The following OPCML variants were observed in gnomAD, a reference collection of about 807,000 sequenced individuals.
OPCML encodes the protein opioid-binding protein/cell adhesion molecule.
In OPCML, 13 loss-of-function variants were observed where a neutral mutation model predicts 37.8. The observed-to-expected ratio is 0.34, with a 90% CI of 0.22 to 0.55. The LOEUF (loss-of-function observed/expected upper bound fraction) is 0.55. OPCML is among the 20% of genes least tolerant of loss of function. OPCML has a pLI of 0.91. For synonymous variants in OPCML, 176 were observed against 168.8 expected (o/e 1.04, Z -0.33); for missense variants, 341 against 435.6 (o/e 0.78, Z 1.93).
chr11:132,920,947 C>T (rs546844348), intron 2 of OPCML, among the ~76,000 whole-genome samples: 4 of 152,252 alleles, frequency 2.6e-5, no homozygotes, highest in Admixed American at 6.5e-5. Context: ...TTCCTGCACT[C>T]GGCTTGATTT....
chr11:133,111,675 T>C (rs1319755493), intron 1 of OPCML, among the ~76,000 whole-genome samples: 1 of 152,160 alleles, frequency 6.6e-6, no homozygotes, highest in African/African-American at 2.4e-5. Flanking sequence ...ACAATGAACT[T>C]TGGTGACTTT....
At chr11:132,477,538 T>C (rs1293085908) in intron 4 of OPCML, among the ~76,000 whole-genome samples, 1 of 152,214 alleles carries the variant, frequency 6.6e-6, no homozygotes, top group East Asian at 1.9e-4. Flanking sequence ...TCTGGAAAGC[T>C]TGGAACAGTC....
chr11:133,240,093 G>A (rs1028858077), intron 1 of OPCML, among the ~76,000 whole-genome samples: 29 of 151,580 alleles, frequency 1.9e-4, no homozygotes, highest in African/African-American at 6.5e-4. Flanking sequence ...TAGAATGTAC[G>A]TGCTGCTCAG....
At chr11:132,727,550 G>C (rs1944930264) in intron 2 of OPCML, among the ~76,000 whole-genome samples, 1 of 152,180 alleles carries the variant, frequency 6.6e-6, no homozygotes, top group East Asian at 1.9e-4. Context: ...CGGAGCCCTA[G>C]AGCCCAGCAC....
intron 3 of OPCML, among the ~76,000 whole-genome samples, chr11:132,564,645 T>A (rs888879325): frequency 6.6e-6 from 1 of 152,172 alleles, no homozygotes; most frequent in Non-Finnish European, 1.5e-5. Context: ...TCCAAAATGA[T>A]GTGATGTGAA....
intron 1 of OPCML, among the ~76,000 whole-genome samples, chr11:133,319,971 A>G (rs1366694880): frequency 6.6e-6 from 1 of 152,170 alleles, no homozygotes; most frequent in African/African-American, 2.4e-5. Flanking sequence ...TAAACCTTCA[A>G]AGTTTTCCAG....
At chr11:133,108,803 G>A (rs747311324) in intron 1 of OPCML, among the ~76,000 whole-genome samples, 283 of 73,272 alleles carry the variant, frequency 3.9e-3, no homozygotes, top group Non-Finnish European at 5.7e-3. Context: ...CAAACTACAG[G>A]TGATAAAAAA....
At chr11:132,708,588 G>A (rs926960004) in intron 2 of OPCML, among the ~76,000 whole-genome samples, 7 of 152,170 alleles carry the variant, frequency 4.6e-5, no homozygotes, top group African/African-American at 1.2e-4. Flanking sequence ...GTCAAACGCC[G>A]CTGGATCCTT....
At chr11:132,957,603 T>C (rs1355347749) in intron 1 of OPCML, among the ~76,000 whole-genome samples, 1 of 152,240 alleles carries the variant, frequency 6.6e-6, no homozygotes, top group Non-Finnish European at 1.5e-5. Context: ...CTGGGTATTT[T>C]ACAAATTGAA....
At chr11:132,865,945 A>G (rs1236985623) in intron 2 of OPCML, among the ~76,000 whole-genome samples, 2 of 152,072 alleles carry the variant, frequency 1.3e-5, no homozygotes, top group South Asian at 2.1e-4. Flanking sequence ...ATTGCCAGGA[A>G]TCTGTTTATT....
intron 1 of OPCML, among the ~76,000 whole-genome samples, chr11:132,962,660 C>T (rs546914193): frequency 2.0e-5 from 3 of 152,302 alleles, no homozygotes; most frequent in African/African-American, 4.8e-5. Context: ...AACCATGTTT[C>T]CCACCGACCC....
At chr11:132,806,940 A>G (rs974547747) in intron 2 of OPCML, among the ~76,000 whole-genome samples, 1 of 152,204 alleles carries the variant, frequency 6.6e-6, no homozygotes, top group African/African-American at 2.4e-5. Flanking sequence ...TAACTCATGG[A>G]TCAAAGGAGA....
intron 1 of OPCML, among the ~76,000 whole-genome samples, chr11:133,346,557 G>C (rs984708830): frequency 6.6e-6 from 1 of 152,212 alleles, no homozygotes; most frequent in African/African-American, 2.4e-5. Context: ...AGGTAATGCA[G>C]TCACCAGGTG....
chr11:133,471,779 A>G (rs1003710412), intron 1 of OPCML, among the ~76,000 whole-genome samples: 1 of 152,236 alleles, frequency 6.6e-6, no homozygotes, highest in African/African-American at 2.4e-5. Flanking sequence ...TTATTTTCAA[A>G]ACATGGATAT....
chr11:133,039,861 C>G lies in OPCML; in HGVS notation c.62-96851G>C, dbSNP rs182350730. 7.0e-3 allele frequency among the ~76,000 whole-genome samples: 1,070 copies of G among 152,064 alleles called. 55 individuals carry two copies. The highest frequency in any genetic ancestry group is 1.2e-3 in the Non-Finnish European group (84 of 67,990). On this transcript the variant is annotated intron_variant, in intron 1 of 7. Transcript: ENST00000524381. ...TGGCCAACTTACTGAAACCCCATCT[C>G]TACTAAAAATACAAAATATTAGCTG...
At chr11:132,445,295 T>C (rs992311967) in intron 4 of OPCML, among the ~76,000 whole-genome samples, 13 of 152,154 alleles carry the variant, frequency 8.5e-5, no homozygotes, top group African/African-American at 3.1e-4. Flanking sequence ...CTTCCATGCA[T>C]GTGTGAGAAT....
intron 1 of OPCML, among the ~76,000 whole-genome samples, chr11:133,310,210 G>A (rs1168760829): frequency 6.6e-6 from 1 of 152,140 alleles, no homozygotes; most frequent in East Asian, 1.9e-4. Context: ...ACTCATTTTT[G>A]TAGTGATACA....
chr11:133,178,116 A>G (rs936125999), intron 1 of OPCML, among the ~76,000 whole-genome samples: 4 of 152,196 alleles, frequency 2.6e-5, no homozygotes, highest in African/African-American at 9.6e-5. Context: ...GAGCTCTTAC[A>G]TTCATAAATG....
Position 132,495,857 on chromosome 11 carries a change from TG to T in OPCML, c.505+33203del, listed in dbSNP as rs2096229569. 8.1e-5 allele frequency among the ~76,000 whole-genome samples: 12 copies of T among 147,958 alleles called. No individual in the cohort carries two copies. The South Asian group carries it at 2.6e-3, about 32-fold the overall frequency. On this transcript the variant is annotated intron_variant, in intron 4 of 7. Transcript: ENST00000524381. Reference sequence around the variant, plus strand: ...TTGCGCTGAGCCAAGATCACACCACTGCACTCCAGCCTGGGCAACAGAGTGA... The same window carrying T: ...TTGCGCTGAGCCAAGATCACACCACTCACTCCAGCCTGGGCAACAGAGTGA...
Sources: gnomAD v4.1 joint callset for allele counts (sites outside exome capture counted in the v4.1 genomes callset) on GRCh38, gnomAD v4.1.1 for gene constraint, MANE v1.5 for transcripts, NCBI Gene and HGNC (gene_info 2026-07-23, HGNC 2026-07-21) for gene names.